SETX: variants seen among roughly 807,000 people sequenced by gnomAD.
SETX encodes senataxin.
Under a neutral mutation model 227.2 loss-of-function variants are expected in SETX, and 90 were observed. That is an observed-to-expected ratio of 0.40 (90% confidence interval 0.33 to 0.47). The LOEUF (loss-of-function observed/expected upper bound fraction) is 0.47. Ranked by LOEUF, SETX falls within the 20% of genes least tolerant of loss-of-function variation. The pLI, the probability that SETX is intolerant of heterozygous loss-of-function variation, is 0.91. For synonymous variants in SETX, 1,210 were observed against 1,113.2 expected, an observed-to-expected ratio of 1.09 and a Z score of -1.73; for missense variants, 3,052 against 3,181.5, an observed-to-expected ratio of 0.96 and a Z score of 0.98.
At chr9:132,316,951 C>T (rs10901161) in intron 10 of SETX, among the ~76,000 whole-genome samples, 38,138 of 152,068 alleles carry the variant, frequency 0.25, 6,090 homozygotes, top group East Asian at 0.67. Flanking sequence ...ATAAAATAAG[C>T]CTATCAATCA....
Position 132,270,871 on chromosome 9 carries a change from A to G in SETX, c.7199+839T>C, listed in dbSNP as rs1009628525. On this transcript the variant is annotated intron_variant, in intron 24 of 25. Transcript: ENST00000224140. Reference sequence around the variant, plus strand: ...TGAAATTTCAAATTAGCTGGGAAAGAAAGGTCTATTTATAAACTGACCCTG... The same window carrying G: ...TGAAATTTCAAATTAGCTGGGAAAGGAAGGTCTATTTATAAACTGACCCTG... 2.0e-5 allele frequency among the ~76,000 whole-genome samples: 3 copies of G among 152,344 alleles called. No homozygotes were observed. In the South Asian group the frequency reaches 6.2e-4, roughly 32 times the overall value.
intron 22 of SETX, among the ~76,000 whole-genome samples, chr9:132,276,795 C>T (rs1482362146): frequency 9.2e-5 from 14 of 152,210 alleles, no homozygotes; most frequent in Admixed American, 9.2e-4. Context: ...GCCTGTCTTC[C>T]CATGAGACCA....
intron 2 of SETX, among the ~76,000 whole-genome samples, chr9:132,352,304 C>T (rs1243299580): frequency 6.6e-6 from 1 of 152,202 alleles, no homozygotes; most frequent in Non-Finnish European, 1.5e-5. Flanking sequence ...ATAATTACCC[C>T]TGCCTTTGTT....
At position 132,327,906 on chromosome 9, in the gene SETX, T is replaced by C; in HGVS notation, c.3692A>G (p.Glu1231Gly). 6.2e-7 allele frequency: 1 copy of C among 1,614,220 alleles called. No homozygotes were observed. The highest frequency in any genetic ancestry group is 8.5e-7 in the Non-Finnish European group (1 of 1,180,042). Reference protein sequence around the residue: ...KKSSKLCTCTEPIRKVPVSKT... With the variant: ...KKSSKLCTCTGPIRKVPVSKT... ...AGAAACTGGAACTTTCCTGATGGGT[T>C]CTGTACAAGTACAAAGCTTTGAAGA... Residue 1231 changes from glutamate (E) to glycine (G), a missense_variant, in exon 10 of 26, where the codon GAA (glutamate) becomes GGA (glycine). Physicochemically the swap from Glu to Gly is moderately conservative, Grantham distance 98. Transcript: ENST00000224140.
Position 132,277,162 on chromosome 9 carries a change from A to C in SETX, c.6843-10T>G. On this transcript the variant is annotated splice_polypyrimidine_tract_variant and intron_variant, in intron 21 of 25. Coordinates refer to ENST00000224140, the MANE Select transcript of SETX (RefSeq NM_015046.7). ...AATGGCTTCTGTCTGTCTGTAAAAA[A>C]AAAAAAGCAGTCAACATTCAGAATA... The C allele has an allele frequency of 6.2e-7, 1 of 1,610,556 alleles. No individual in the cohort carries two copies. The highest frequency in any genetic ancestry group is 8.5e-7 in the Non-Finnish European group (1 of 1,178,902).
rs748782099 is a variant in SETX at position 132,327,101 on chromosome 9, G to A, written c.4497C>T (p.Thr1499=). ...AATCCATATCTTCAGGATCATTTTGGGTTAAAAATAAGTTATCTTCCTCTG... is the reference window on the plus strand; with the variant it reads ...AATCCATATCTTCAGGATCATTTTGAGTTAAAAATAAGTTATCTTCCTCTG... ...SDAEEDNLFL[T]QNDPEDMDLC... The change falls in exon 10 of 26, where the codon ACC becomes ACT. Residue 1499 remains threonine (T), a synonymous_variant. Transcript: ENST00000224140. The A allele has an allele frequency of 1.9e-6, 3 of 1,613,932 alleles. No individual in the cohort carries two copies. In the African/African-American group the frequency reaches 4.0e-5, roughly 22 times the overall value.
upstream of SETX, among the ~76,000 whole-genome samples, chr9:132,356,571 G>A (rs1848924090): frequency 6.6e-6 from 1 of 152,154 alleles, no homozygotes; most frequent in Non-Finnish European, 1.5e-5. Flanking sequence ...AGTTAATAGA[G>A]GAGACAGGGA....
intron 2 of SETX, among the ~76,000 whole-genome samples, chr9:132,349,784 GA>G (rs1488421855): frequency 6.6e-6 from 1 of 152,144 alleles, no homozygotes; most frequent in South Asian, 2.1e-4. Flanking sequence ...TTGGAATGGG[GA>G]AAAAAGTTAC....
Position 132,263,964 on chromosome 9 carries a change from C to A in SETX, c.*275G>T. On this transcript the variant is annotated 3_prime_UTR_variant, in exon 26 of 26. Coordinates refer to ENST00000224140, the MANE Select transcript of SETX (RefSeq NM_015046.7). ...CAACTTTTACAACATTCACTCCAGTCTGACCTCCTTGTCTATAGAAGACTA... is the reference window on the plus strand; with the variant it reads ...CAACTTTTACAACATTCACTCCAGTATGACCTCCTTGTCTATAGAAGACTA... The A allele has an allele frequency of 5.8e-6, 3 of 514,314 alleles. No homozygotes were observed. The highest frequency in any genetic ancestry group is 3.5e-5 in the East Asian group (1 of 28,898). 31.9% of individuals were successfully genotyped at this position (514,314 alleles called of 1,614,324 possible). A position where few individuals can be genotyped will look rare whatever the true frequency, so the allele number is the denominator to read the frequency against.
chr9:132,323,483 G>A (rs1846499527), intron 10 of SETX, among the ~76,000 whole-genome samples: 1 of 152,156 alleles, frequency 6.6e-6, no homozygotes. Flanking sequence ...CCATAATGAG[G>A]GTGAGGGAAC....
At position 132,272,265 on chromosome 9, in the gene SETX, C is replaced by T. The variant is rs1842940159; in HGVS notation, c.7101-457G>A. On this transcript the variant is annotated intron_variant, in intron 23 of 25. Coordinates refer to ENST00000224140, the MANE Select transcript of SETX (RefSeq NM_015046.7). Reference sequence around the variant, plus strand: ...CACAGTAACTTGAACACCTGAGCTCCGTCTCAGCCTCCTAAGTGGCTAGGA... The same window carrying T: ...CACAGTAACTTGAACACCTGAGCTCTGTCTCAGCCTCCTAAGTGGCTAGGA... 2.0e-5 allele frequency among the ~76,000 whole-genome samples: 3 copies of T among 152,080 alleles called. No individual in the cohort carries two copies. The South Asian group carries it at 6.2e-4, about 32-fold the overall frequency.
chr9:132,343,626 T>C (rs1231741361), intron 4 of SETX, among the ~76,000 whole-genome samples: 2 of 152,214 alleles, frequency 1.3e-5, no homozygotes, highest in Non-Finnish European at 2.9e-5. Flanking sequence ...AATATCATAG[T>C]TTTTTCATTA....
chr9:132,305,307 T>C lies in SETX; in HGVS notation c.5375-4504A>G, dbSNP rs188900692. ...AGGTGGAGCTTGCAGTGAGCTGAGA[T>C]TGTGCCACTGCACTCCCGCCTGGGT... is the stretch of plus-strand genomic sequence containing the variant. On this transcript the variant is annotated intron_variant, in intron 11 of 25. Transcript: ENST00000224140. Among the ~76,000 whole-genome samples the C allele has an allele frequency of 3.6e-4, 53 of 146,776 alleles. 1 individual carries two copies. The highest frequency in any genetic ancestry group is 1.0e-4 in the Non-Finnish European group (7 of 67,504).
chr9:132,297,097 T>C, intron 13 of SETX, 43 bp from the exon 14 acceptor site: 1 of 1,520,180 alleles, frequency 6.6e-7, no homozygotes, highest in Non-Finnish European at 9.0e-7. Flanking sequence ...GCTGTTTCTG[T>C]AGTGGAATTT....
Position 132,336,183 on chromosome 9 carries a change from C to T in SETX, c.718+113G>A, listed in dbSNP as rs144636697. ...GCTTGAACCTGGGAGGTGGAGCTTGCGGTGAGTGGAGATGGTGCCACTGCA... is the reference window on the plus strand; with the variant it reads ...GCTTGAACCTGGGAGGTGGAGCTTGTGGTGAGTGGAGATGGTGCCACTGCA... On this transcript the variant is annotated intron_variant, in intron 6 of 25. Coordinates refer to ENST00000224140, the MANE Select transcript of SETX (RefSeq NM_015046.7). 1.9e-3 allele frequency: 1,621 copies of T among 849,172 alleles called. 21 individuals carry two copies. In the African/African-American group the frequency reaches 0.023, roughly 12 times the overall value. The allele number at this position is 849,172 out of a possible 1,614,324, so 52.6% of individuals were successfully genotyped here.
Position 132,328,626 on chromosome 9 carries a change from A to C in SETX, c.2972T>G (p.Val991Gly), listed in dbSNP as rs1847012181. ...TGTGAAACATCTTTTATCTTCTTTTACTTTCCTTTGCAGCTGCGATGAGTT... is the reference window on the plus strand; with the variant it reads ...TGTGAAACATCTTTTATCTTCTTTTCCTTTCCTTTGCAGCTGCGATGAGTT... Reference protein sequence around the residue: ...PQNSSQLQRKVKEDKRCFTAN... With the variant: ...PQNSSQLQRKGKEDKRCFTAN... The change falls in exon 10 of 26, where the codon GTA (valine) becomes GGA (glycine). Residue 991 changes from valine to glycine, a missense_variant. Val to Gly is a moderately radical substitution (Grantham distance 109). This residue lies in a region of SETX where 1,483 missense variants were observed against 1,312.0 expected (regional missense o/e 1.13). Transcript: ENST00000224140. 4 of 1,613,292 alleles carry C rather than the reference A, an allele frequency of 2.5e-6. No individual in the cohort carries two copies. The highest frequency in any genetic ancestry group is 3.4e-6 in the Non-Finnish European group (4 of 1,179,748).
At chr9:132,290,677 T>G (rs1313980316) in intron 15 of SETX, among the ~76,000 whole-genome samples, 1 of 150,854 alleles carries the variant, frequency 6.6e-6, no homozygotes, top group African/African-American at 2.4e-5. Context: ...GGCAGATCGC[T>G]TGAATCCAGG....
intron 18 of SETX, among the ~76,000 whole-genome samples, chr9:132,284,581 G>A (rs867863520): frequency 4.6e-5 from 7 of 152,160 alleles, no homozygotes; most frequent in Non-Finnish European, 8.8e-5. Flanking sequence ...GCTTCAATGA[G>A]TCTAAATCTT....
rs186126778 is a variant in SETX at position 132,301,897 on chromosome 9, G to A, written c.5375-1094C>T. On this transcript the variant is annotated intron_variant, in intron 11 of 25. Coordinates refer to ENST00000224140, the MANE Select transcript of SETX (RefSeq NM_015046.7). ...GGAATAAAGTTCAGTACCAACTGCC[G>A]AATCTAGCCCTATACTCTGAAAAAT... is the stretch of plus-strand genomic sequence containing the variant. Among the ~76,000 whole-genome samples the A allele has an allele frequency of 2.5e-3, 384 of 152,316 alleles. 1 individual carries two copies. The highest frequency in any genetic ancestry group is 8.8e-3 in the African/African-American group (367 of 41,574).
Sources: allele counts gnomAD v4.1 joint callset (sites outside exome capture counted in the v4.1 genomes callset), GRCh38; gene constraint gnomAD v4.1.1; regional missense constraint gnomAD v4.1.1; transcripts MANE v1.5; gene names NCBI Gene and HGNC (gene_info 2026-07-23, HGNC 2026-07-21).